Variants in CCDC40 observed in about 807,000 individuals in gnomAD.
The protein encoded by CCDC40 is coiled-coil domain-containing protein 40.
A neutral mutation model predicts 124.5 loss-of-function variants in CCDC40; 104 were observed. The observed-to-expected ratio is 0.84, with a 90% CI of 0.71 to 0.98. CCDC40 has a LOEUF of 0.98. Among genes scored for constraint, CCDC40 ranks in the 50% least tolerant of loss-of-function variants. The probability of loss-of-function intolerance (pLI) is 0.00; values close to 1 mark genes in which losing one functional copy is unlikely to be tolerated. For missense variants in CCDC40, 1,463 were observed against 1,503.9 expected (o/e 0.97, Z 0.45); for synonymous variants, 580 against 602.9 (o/e 0.96, Z 0.56).
At chr17:80,045,283 T>C (rs1458853225) in intron 3 of CCDC40, among the ~76,000 whole-genome samples, 1 of 152,200 alleles carries the variant, frequency 6.6e-6, no homozygotes, top group Non-Finnish European at 1.5e-5. Flanking sequence ...GAGGGTGGCA[T>C]GAGATGAGCT....
intron 2 of CCDC40, among the ~76,000 whole-genome samples, chr17:80,039,393 GAT>G (rs932557849): frequency 6.7e-6 from 1 of 150,256 alleles, no homozygotes; most frequent in Non-Finnish European, 1.5e-5. Flanking sequence ...AGAAAGAACA[GAT>G]AAACTGAAGC....
chr17:80,081,750 C>T lies in CCDC40; in HGVS notation c.1767C>T (p.Thr589=). The T allele has an allele frequency of 6.2e-7, 1 of 1,614,070 alleles. No individual in the cohort carries two copies. Residue 589 remains threonine, a synonymous_variant, in exon 11 of 20, where the codon ACC becomes ACT. Coordinates refer to ENST00000397545, the MANE Select transcript of CCDC40 (RefSeq NM_017950.4). ...LQSQFNTYRL[T]LQDTEDALSQ... is the part of the protein sequence containing the mutation. Reference sequence around the variant, plus strand: ...GCCAGTTCAATACCTACAGGCTCACCCTGCAGGACACAGAGGATGCCCTCA... The same window carrying T: ...GCCAGTTCAATACCTACAGGCTCACTCTGCAGGACACAGAGGATGCCCTCA...
chr17:80,065,977 G>A (rs1423684327), intron 10 of CCDC40: 2 of 643,228 alleles, frequency 3.1e-6, no homozygotes, highest in African/African-American at 3.6e-5. Context: ...CTGCCTGAGG[G>A]CTGCATTCCA....
intron 12 of CCDC40, among the ~76,000 whole-genome samples, 196 bp from the exon 13 acceptor site, chr17:80,084,547 A>G (rs2038533554): frequency 6.6e-6 from 1 of 152,126 alleles, no homozygotes; most frequent in Non-Finnish European, 1.5e-5. Flanking sequence ...GTAAAAAGCC[A>G]ACATCTGGGT....
chr17:80,094,587 C>G (rs1166395494), intron 17 of CCDC40, among the ~76,000 whole-genome samples: 1 of 151,896 alleles, frequency 6.6e-6, no homozygotes, highest in South Asian at 2.1e-4. Flanking sequence ...CCTAGCTACT[C>G]AGGAGGCTGA....
chr17:80,043,906 C>T (rs1233689334), intron 3 of CCDC40, among the ~76,000 whole-genome samples: 1 of 152,158 alleles, frequency 6.6e-6, no homozygotes, highest in Non-Finnish European at 1.5e-5. Context: ...GGTCAATCCT[C>T]CTGGATGTAA....
At position 80,056,902 on chromosome 17, in the gene CCDC40, G is replaced by A. The variant is rs138880888; in HGVS notation, c.1160-1592G>A. On this transcript the variant is annotated intron_variant, in intron 7 of 19. Transcript: ENST00000397545. ...AAAAAAAAAATACAATTACTCGGGC[G>A]TGGTGGCGGGCACCTGTGGTCCCAG... 7.6e-3 allele frequency among the ~76,000 whole-genome samples: 1,159 copies of A among 151,506 alleles called. 14 individuals carry two copies. The highest frequency in any genetic ancestry group is 0.027 in the African/African-American group (1,106 of 41,318).
chr17:80,091,686 A>G (rs1308127402), intron 17 of CCDC40, among the ~76,000 whole-genome samples: 2 of 152,230 alleles, frequency 1.3e-5, no homozygotes, highest in Non-Finnish European at 2.9e-5. Context: ...ATGTTTTTCC[A>G]GCTATCCAGG....
In CCDC40 at chr17:80,037,783, A is replaced by G. The variant is rs151128770; in HGVS notation, c.30-340A>G. 1.8e-3 allele frequency among the ~76,000 whole-genome samples: 274 copies of G among 149,238 alleles called. 1 individual carries two copies. The highest frequency in any genetic ancestry group is 6.6e-3 in the African/African-American group (270 of 40,646). On this transcript the variant is annotated intron_variant, in intron 1 of 19. Transcript: ENST00000397545. The stretch of plus-strand genomic sequence containing the variant: ...CCAGAACACTTACTCTGATCGCGCT[A>G]CTTTCTCTACGTTGTATTTCTTTTC...
chr17:80,059,033 G>A (rs1048903218), intron 9 of CCDC40, 53 bp downstream of exon 9: 12 of 1,606,622 alleles, frequency 7.5e-6, no homozygotes, highest in East Asian at 2.2e-5. Context: ...GAGTGTCCAC[G>A]CACAGGGTGC....
intron 17 of CCDC40, 89 bp downstream of exon 17, chr17:80,089,973 C>T (rs1051965193): frequency 7.4e-5 from 115 of 1,562,924 alleles, no homozygotes; most frequent in Admixed American, 9.5e-5. Context: ...TCGGCTCTCC[C>T]GGGGCTCCTG....
chr17:80,097,606 A>G (rs2038834002), intron 19 of CCDC40: 1 of 605,784 alleles, frequency 1.7e-6, no homozygotes, highest in South Asian at 2.0e-5. Flanking sequence ...TTGATGGAGT[A>G]TCTGTTATGG....
At chr17:80,075,541 G>A (rs1187193177) in intron 10 of CCDC40, among the ~76,000 whole-genome samples, 4 of 152,202 alleles carry the variant, frequency 2.6e-5, no homozygotes, top group African/African-American at 9.7e-5. Flanking sequence ...AGAGGTGCCA[G>A]CAGCCTGACA....
At chr17:80,070,062 G>A (rs1403817769) in intron 10 of CCDC40, among the ~76,000 whole-genome samples, 2 of 152,250 alleles carry the variant, frequency 1.3e-5, no homozygotes, top group Non-Finnish European at 2.9e-5. Flanking sequence ...TCGGTCTGGT[G>A]TAGCCCCTCA....
intron 10 of CCDC40, among the ~76,000 whole-genome samples, chr17:80,070,694 C>T (rs963457142): frequency 1.3e-5 from 2 of 151,874 alleles, no homozygotes; most frequent in African/African-American, 4.8e-5. Flanking sequence ...ATTGCTTGAG[C>T]CCAGGAGGTC....
intron 10 of CCDC40, among the ~76,000 whole-genome samples, chr17:80,069,262 G>T (rs995888222): frequency 6.6e-6 from 1 of 152,104 alleles, no homozygotes; most frequent in African/African-American, 2.4e-5. Flanking sequence ...CTGCTGCGTG[G>T]GGGGGGCGGT....
At chr17:80,055,300 C>T (rs1423200357) in intron 7 of CCDC40, among the ~76,000 whole-genome samples, 1 of 151,994 alleles carries the variant, frequency 6.6e-6, no homozygotes, top group Non-Finnish European at 1.5e-5. Context: ...TCAACCTCTA[C>T]TAATGAAAAA....
At chr17:80,089,946 C>T in intron 17 of CCDC40, 62 bp downstream of exon 17, 1 of 1,600,850 alleles carries the variant, frequency 6.2e-7, no homozygotes, top group Non-Finnish European at 8.5e-7. Flanking sequence ...CTCTGGAGAC[C>T]TGGCCACACC....
At position 80,058,474 on chromosome 17, in the gene CCDC40, T is replaced by A. The variant is rs1598499687; in HGVS notation, c.1160-20T>A. The A allele has an allele frequency of 6.2e-7, 1 of 1,611,994 alleles. No homozygotes were observed. The highest frequency in any genetic ancestry group is 2.2e-5 in the East Asian group (1 of 44,846). ...TCCCCACTCACTCTCTCTCTCTTTC[T>A]CCCCCGCCGCGCCCCGCAGTGGCGG... is the stretch of plus-strand genomic sequence containing the variant. On this transcript the variant is annotated intron_variant, in intron 7 of 19. Coordinates refer to ENST00000397545, the MANE Select transcript of CCDC40 (RefSeq NM_017950.4). This position sits in a 1 kb window ranked among gnomAD's most constrained non-coding sequence, Gnocchi z 4.2.
Sources: gnomAD v4.1 joint callset for allele counts (sites outside exome capture counted in the v4.1 genomes callset) on GRCh38, gnomAD v4.1.1 for gene constraint, Gnocchi (gnomAD v3.1) non-coding constraint, MANE v1.5 for transcripts, NCBI Gene and HGNC (gene_info 2026-07-23, HGNC 2026-07-21) for gene names.